Variants in DDX3X observed in about 807,000 individuals in gnomAD.
The protein encoded by DDX3X is DEAD-box helicase 3 X-linked.
Under a neutral mutation model 52.7 loss-of-function variants are expected in DDX3X, and 4 were observed. That is an observed-to-expected ratio of 0.08 (90% confidence interval 0.04 to 0.17). DDX3X has a LOEUF of 0.17. Among genes scored for constraint, DDX3X ranks in the 10% least tolerant of loss-of-function variants. DDX3X has a pLI of 1.00. For missense variants in DDX3X, 222 were observed against 548.6 expected (o/e 0.40, Z 5.95); for synonymous variants, 192 against 178.1 (o/e 1.08, Z -0.62).
intron 5 of DDX3X, chrX:41,357,704 G>C (rs2064014574): frequency 3.7e-6 from 1 of 272,483 alleles, no homozygotes; most frequent in African/African-American, 2.8e-5. Context: ...CCAAAGTGCT[G>C]GGATTACAGG....
chrX:41,334,555 G>A (rs2063729224), intron 1 of DDX3X: 1 of 1,093,514 alleles, frequency 9.1e-7, no homozygotes, highest in African/African-American at 1.8e-5. Context: ...CAGGCGGGCG[G>A]AGGGGGAGGA....
intron 1 of DDX3X, chrX:41,334,706 GC>G: frequency 1.0e-6 from 1 of 1,001,692 alleles, no homozygotes; most frequent in Non-Finnish European, 1.3e-6. Context: ...CACGGCTGGC[GC>G]AGCCTGGATT....
intron 5 of DDX3X, among the ~76,000 whole-genome samples, chrX:41,356,998 A>ATC (rs1303953402): frequency 1.4e-3 from 127 of 90,285 alleles, no homozygotes; most frequent in African/African-American, 5.4e-3. Context: ...TAGTGGCATG[A>ATC]TCTCAGCTCA....
Position 41,345,172 on chromosome X carries a change from C to T in DDX3X, c.1026-8C>T. 2 of 1,206,368 alleles carry T rather than the reference C, an allele frequency of 1.7e-6. No individual in the cohort carries two copies. Among genetic ancestry groups the T allele is most frequent in the East Asian group, 5.9e-5 (2 of 33,780 alleles). ...AACTCAGGCTTGTTTTTTTTCATGA[C>T]ATGACAGATACTTGGTGTTAGATGA... On this transcript the variant is annotated splice_polypyrimidine_tract_variant and splice_region_variant and intron_variant, in intron 10 of 16. Coordinates refer to ENST00000644876, the MANE Select transcript of DDX3X (RefSeq NM_001356.5).
chrX:41,352,319 A>G (rs1223102511), downstream of DDX3X, among the ~76,000 whole-genome samples: 1 of 111,710 alleles, frequency 9.0e-6, no homozygotes, highest in East Asian at 2.8e-4. Context: ...TTTATTGGAT[A>G]TTTACTGTCT....
Position 41,334,195 on chromosome X carries a change from G to T in DDX3X, c.-58G>T. On this transcript the variant is annotated 5_prime_UTR_variant, in exon 1 of 17. Transcript: ENST00000644876. ...AGTTCTCCCGTGAGAGGGCCTTCGC[G>T]GTGGAACAAACACTCGCTTAGCAGC... is the stretch of plus-strand genomic sequence containing the variant. 1 of 1,143,892 alleles carries T rather than the reference G, an allele frequency of 8.7e-7. No individual in the cohort carries two copies. Among genetic ancestry groups the T allele is most frequent in the Non-Finnish European group, 1.2e-6 (1 of 840,893 alleles). The allele number at this position is 1,143,892 out of a possible 1,213,427, so 94.3% of individuals were successfully genotyped here.
rs140601036 is a variant in DDX3X, at chrX:41,338,959, A to G, written c.104-77A>G. 3.1e-3 allele frequency: 1,332 copies of G among 424,151 alleles called. 16 individuals are homozygous for G. In the African/African-American group the frequency reaches 0.034, roughly 11 times the overall value. 35.0% of individuals were successfully genotyped at this position (424,151 alleles called of 1,213,427 possible). A position where few individuals can be genotyped will look rare whatever the true frequency, so the allele number is the denominator to read the frequency against. On this transcript the variant is annotated intron_variant, in intron 2 of 16. Coordinates refer to ENST00000644876, the MANE Select transcript of DDX3X (RefSeq NM_001356.5). ...CTGGAGATTTTAATTTCCCAGAACC[A>G]TTTTTTAGTAACAGAAATTTAAATG...
Position 41,348,242 on chromosome X carries a change from C to T in DDX3X, c.*523C>T, listed in dbSNP as rs1309911956. 1 of 159,076 alleles carries T rather than the reference C, an allele frequency of 6.3e-6. No individual in the cohort carries two copies. The highest frequency in any genetic ancestry group is 1.2e-5 in the Non-Finnish European group (1 of 84,125). 13.1% of individuals were successfully genotyped at this position (159,076 alleles called of 1,213,427 possible). On this transcript the variant is annotated 3_prime_UTR_variant, in exon 17 of 17. Coordinates refer to ENST00000644876, the MANE Select transcript of DDX3X (RefSeq NM_001356.5). ...TAGCCTGCATTAGGGCTTTTTGATA[C>T]TTGCAGATTGGGGGAAAACAACAAA...
At chrX:41,334,499 A>T in intron 1 of DDX3X, 1 of 1,096,247 alleles carries the variant, frequency 9.1e-7, no homozygotes, top group South Asian at 2.2e-5. Flanking sequence ...GGCCCGCTGT[A>T]TTGTCCCCGG....
chrX:41,334,972 A>G, intron 1 of DDX3X: 1 of 155,205 alleles, frequency 6.4e-6, no homozygotes, highest in South Asian at 1.4e-4. Context: ...GCTTCAGCCC[A>G]GGTTCCGCAG....
At chrX:41,353,068 A>G (rs5963958), downstream of DDX3X, among the ~76,000 whole-genome samples, 23,123 of 110,800 alleles carry the variant, frequency 0.21, 2,184 homozygotes, top group East Asian at 0.45. Context: ...ATGTCATGCT[A>G]CTGTCTATGC....
At chrX:41,341,825 A>G (rs1384400154) in intron 4 of DDX3X, 7 of 355,368 alleles carry the variant, frequency 2.0e-5, no homozygotes, top group South Asian at 5.2e-5. Flanking sequence ...GAGTTATTCT[A>G]TTTCTCGAGT....
chrX:41,337,323 C>G (rs2063785344), intron 1 of DDX3X, 85 bp from the exon 2 acceptor site: 1 of 827,447 alleles, frequency 1.2e-6, no homozygotes, highest in Non-Finnish European at 1.8e-6. Flanking sequence ...GAATGCAGTA[C>G]TAGCAAATGC....
chrX:41,364,462 C>G (rs2064040798), exon 6 of DDX3X: 1 of 289,163 alleles, frequency 3.5e-6, no homozygotes, highest in East Asian at 4.9e-5. Context: ...CACCTATGCA[C>G]CTTGGCCTCA....
In DDX3X at chrX:41,345,341, C is replaced by T; in HGVS notation, c.1170+17C>T. ...GAAATACAGGTACTGTTTGATGTTG[C>T]AAATTTTATTTATTTAGAAATTTGT... On this transcript the variant is annotated intron_variant, in intron 11 of 16. Transcript: ENST00000644876. 6 of 1,202,983 alleles carry T rather than the reference C, an allele frequency of 5.0e-6. No individual in the cohort carries two copies. The Middle Eastern group carries it at 1.2e-3, about 231-fold the overall frequency.
Position 41,334,226 on chromosome X carries a change from A to C in DDX3X, c.-27A>C, listed in dbSNP as rs369180129. The C allele has an allele frequency of 3.3e-6, 4 of 1,199,587 alleles. No individual in the cohort carries two copies. The highest frequency in any genetic ancestry group is 4.5e-6 in the Non-Finnish European group (4 of 887,209). ...ACAAACACTCGCTTAGCAGCGGAAG[A>C]CTCCGAGTTCTCGGTACTCTTCAGG... On this transcript the variant is annotated 5_prime_UTR_variant, in exon 1 of 17. Coordinates refer to ENST00000644876, the MANE Select transcript of DDX3X (RefSeq NM_001356.5).
rs540756506 is a variant in DDX3X, at chrX:41,339,196, A to G, written c.151+113A>G. Reference sequence around the variant, plus strand: ...GGTCTAAACATGGTGTTGTTTTTCTATGCTTCTGTCAGCCTTGGTTCAAAT... The same window carrying G: ...GGTCTAAACATGGTGTTGTTTTTCTGTGCTTCTGTCAGCCTTGGTTCAAAT... On this transcript the variant is annotated intron_variant, in intron 3 of 16. Transcript: ENST00000644876. The G allele has an allele frequency of 5.3e-4, 174 of 328,254 alleles. 1 individual carries two copies. The Middle Eastern group carries it at 0.017, about 31-fold the overall frequency. 27.1% of individuals were successfully genotyped at this position (328,254 alleles called of 1,213,427 possible).
At chrX:41,334,753 G>A in intron 1 of DDX3X, 1 of 969,271 alleles carries the variant, frequency 1.0e-6, no homozygotes. Flanking sequence ...CGGTGTTTGC[G>A]TGCCTGCGAG....
chrX:41,355,509 C>G (rs988472293), intron 5 of DDX3X, among the ~76,000 whole-genome samples: 1 of 110,828 alleles, frequency 9.0e-6, no homozygotes, highest in African/African-American at 3.3e-5. Context: ...ACTCTGTCAC[C>G]CAGGCTGGAG....
Sources: gnomAD v4.1 joint callset for allele counts (sites outside exome capture counted in the v4.1 genomes callset) on GRCh38, gnomAD v4.1.1 for gene constraint, MANE v1.5 for transcripts, NCBI Gene and HGNC (gene_info 2026-07-23, HGNC 2026-07-21) for gene names.